NOL4: variants seen among roughly 807,000 people sequenced by gnomAD.
The protein encoded by NOL4 is cancer/testis antigen 125.
In NOL4, 17 loss-of-function variants were observed where a neutral mutation model predicts 75.9. The observed-to-expected ratio is 0.22, with a 90% confidence interval of 0.15 to 0.34. The LOEUF is 0.34. NOL4 is among the 10% of genes least tolerant of loss of function. The pLI is 1.00. For missense variants in NOL4, 614 were observed against 793.5 expected (o/e 0.77, Z 2.72); for synonymous variants, 292 against 289.9 (o/e 1.01, Z -0.07).
intron 5 of NOL4, among the ~76,000 whole-genome samples, chr18:34,091,541 T>C (rs561019735): frequency 6.6e-6 from 1 of 152,202 alleles, no homozygotes; most frequent in South Asian, 2.1e-4. Flanking sequence ...CACCTAGATC[T>C]TGGACTCCCA....
At chr18:34,111,519 G>A (rs1361586710) in intron 2 of NOL4, among the ~76,000 whole-genome samples, 9 of 151,908 alleles carry the variant, frequency 5.9e-5, no homozygotes, top group Admixed American at 3.9e-4. Flanking sequence ...CATCATCTAC[G>A]TGGAATGATT....
intron 1 of NOL4, among the ~76,000 whole-genome samples, chr18:34,185,529 C>T (rs1015154418): frequency 1.3e-5 from 2 of 151,618 alleles, no homozygotes; most frequent in Admixed American, 6.6e-5. Flanking sequence ...AAAAATTGAA[C>T]AATTATTCAA....
At position 33,958,372 on chromosome 18, in the gene NOL4, C is replaced by A. The variant is rs1425926009; in HGVS notation, c.1103G>T (p.Ser368Ile). 1 of 1,613,578 alleles carries A rather than the reference C, an allele frequency of 6.2e-7. No individual in the cohort carries two copies. Among genetic ancestry groups the A allele is most frequent in the Admixed American group, 1.7e-5 (1 of 59,992 alleles). The change falls in exon 7 of 11, where the codon AGT (serine) becomes ATT (isoleucine). Residue 368 changes from serine to isoleucine, a missense_variant. By Grantham distance (142) the Ser-to-Ile change is moderately radical. Around this residue, in one of 9 missense-constraint regions of NOL4, gnomAD observed 196 missense variants for 167.9 expected, o/e 1.17. Coordinates refer to ENST00000261592, the MANE Select transcript of NOL4 (RefSeq NM_003787.5). ...GAGGTCCTCAGCTCCTCGGTCTACA[C>A]TCTCATTTTTGCCAGAGTCATAGCT... is the stretch of plus-strand genomic sequence containing the variant. Reference protein sequence around the residue: ...YSSYDSGKNESVDRGAEDLSL... With the variant: ...YSSYDSGKNEIVDRGAEDLSL...
At chr18:34,008,410 T>C (rs569244506) in intron 6 of NOL4, among the ~76,000 whole-genome samples, 1 of 150,440 alleles carries the variant, frequency 6.6e-6, no homozygotes, top group African/African-American at 2.4e-5. Context: ...TCTATCTATC[T>C]ATCCTATGGG....
rs186357342 is a variant in NOL4, at chr18:33,909,376, G to C, written c.1543-25952C>G. On this transcript the variant is annotated intron_variant, in intron 9 of 10. Coordinates refer to ENST00000261592, the MANE Select transcript of NOL4 (RefSeq NM_003787.5). The stretch of plus-strand genomic sequence containing the variant: ...ACCAATGACTTCTAAATCTAAAATT[G>C]CAATTAAAACCTTTTCCTAAGTCCA... Among the ~76,000 whole-genome samples, 4 of 152,124 alleles carry C rather than the reference G, an allele frequency of 2.6e-5. No individual in the cohort carries two copies. The East Asian group carries it at 7.7e-4, about 29-fold the overall frequency.
intron 2 of NOL4, among the ~76,000 whole-genome samples, chr18:34,109,893 G>A (rs1415094166): frequency 6.6e-6 from 1 of 150,982 alleles, no homozygotes; most frequent in South Asian, 2.1e-4. Context: ...CCAACAAATC[G>A]GATAACACAA....
chr18:33,929,055 T>C (rs2067516706), intron 9 of NOL4, among the ~76,000 whole-genome samples: 1 of 151,642 alleles, frequency 6.6e-6, no homozygotes, highest in African/African-American at 2.4e-5. Context: ...GGATCTCACT[T>C]TTCCCATAGT....
chr18:34,122,834 A>C (rs1172535334), intron 2 of NOL4, among the ~76,000 whole-genome samples: 1 of 151,928 alleles, frequency 6.6e-6, no homozygotes, highest in African/African-American at 2.4e-5. Flanking sequence ...TTTTTTTTAC[A>C]CTATCAGAGT....
chr18:34,079,343 C>G (rs9957543), intron 5 of NOL4, among the ~76,000 whole-genome samples: 61,400 of 151,636 alleles, frequency 0.4, 12,626 homozygotes, highest in Admixed American at 0.49. Context: ...ACTTCTGTGT[C>G]CTGAATCTCC....
chr18:34,181,328 ATCTTTT>A lies in NOL4; in HGVS notation c.264+41656_264+41661del, dbSNP rs1177084567. 5.9e-5 allele frequency among the ~76,000 whole-genome samples: 9 copies of A among 151,736 alleles called. No individual in the cohort carries two copies. The South Asian group carries it at 1.9e-3, about 31-fold the overall frequency. On this transcript the variant is annotated intron_variant, in intron 1 of 10. Transcript: ENST00000261592. ...AGACAATTCACTCTGGTAAATAATA[ATCTTTT>A]CCACAAATGGTGCTGTGACTACTAG...
chr18:33,885,233 T>C (rs2064564759), intron 9 of NOL4, among the ~76,000 whole-genome samples: 1 of 152,118 alleles, frequency 6.6e-6, no homozygotes, highest in Admixed American at 6.6e-5. Context: ...TGAACTAGAA[T>C]GTCTAATTGT....
At chr18:33,932,811 C>T (rs184017397) in intron 9 of NOL4, among the ~76,000 whole-genome samples, 294 of 152,006 alleles carry the variant, frequency 1.9e-3, no homozygotes, top group Non-Finnish European at 3.5e-3. Context: ...TTTCTGAGCC[C>T]CAATTTCTAT....
chr18:33,926,081 G>C (rs574104921), intron 9 of NOL4, among the ~76,000 whole-genome samples: 1 of 152,046 alleles, frequency 6.6e-6, no homozygotes, highest in East Asian at 1.9e-4. Context: ...GACATCTTAG[G>C]CCCGGTGTGG....
intron 1 of NOL4, among the ~76,000 whole-genome samples, chr18:34,174,499 GC>G (rs545356997): frequency 2.5e-4 from 38 of 152,162 alleles, no homozygotes; most frequent in Non-Finnish European, 4.7e-4. Context: ...TGTTTCAGTA[GC>G]CTTGAAAAAT....
In NOL4 at chr18:33,852,860, G is replaced by A. The variant is rs368502519; in HGVS notation, c.1899C>T (p.Leu633=). The A allele has an allele frequency of 2.1e-5, 34 of 1,612,246 alleles. No individual in the cohort carries two copies. The highest frequency in any genetic ancestry group is 2.8e-5 in the Non-Finnish European group (33 of 1,179,092). The change falls in exon 11 of 11, where the codon CTC becomes CTT. Residue 633 remains leucine, a synonymous_variant. Coordinates refer to ENST00000261592, the MANE Select transcript of NOL4 (RefSeq NM_003787.5). ...LLRSADELEN[L]ILQQN ...GTCTGTCTCAGTTCTGTTGTAAAAT[G>A]AGATTTTCCAGTTCATCTGCAGATC...
chr18:34,084,556 T>C (rs2078160440), intron 5 of NOL4, among the ~76,000 whole-genome samples: 1 of 152,020 alleles, frequency 6.6e-6, no homozygotes, highest in Non-Finnish European at 1.5e-5. Flanking sequence ...TTTCAAATAC[T>C]GTGTGTGGCT....
chr18:33,887,899 T>G (rs560714732), intron 9 of NOL4, among the ~76,000 whole-genome samples: 1 of 152,316 alleles, frequency 6.6e-6, no homozygotes, highest in South Asian at 2.1e-4. Context: ...TGTGTCTTTA[T>G]AGCAGCATGA....
At chr18:33,891,385 C>A (rs190983652) in intron 9 of NOL4, among the ~76,000 whole-genome samples, 39 of 152,184 alleles carry the variant, frequency 2.6e-4, no homozygotes, top group Admixed American at 9.8e-4. Flanking sequence ...TATAAAATCA[C>A]CACAAATAAA....
chr18:33,993,944 G>A (rs751478603), intron 6 of NOL4, among the ~76,000 whole-genome samples: 10 of 151,624 alleles, frequency 6.6e-5, no homozygotes, highest in Non-Finnish European at 1.2e-4. Context: ...TATACTGAAA[G>A]TAAAAGAATG....
Sources: gnomAD v4.1 joint callset for allele counts (sites outside exome capture counted in the v4.1 genomes callset) on GRCh38, gnomAD v4.1.1 for gene constraint, gnomAD v4.1.1 regional missense constraint, MANE v1.5 for transcripts, NCBI Gene and HGNC (gene_info 2026-07-23, HGNC 2026-07-21) for gene names.